TEX9: variants seen among roughly 807,000 people sequenced by gnomAD.
TEX9 encodes the protein testis expressed 9.
Under a neutral mutation model 59.6 loss-of-function variants are expected in TEX9, and 74 were observed. That is an observed-to-expected ratio of 1.24 (90% CI 1.03 to 1.51). The LOEUF is 1.51. Among genes scored for constraint, TEX9 ranks in the 40% most tolerant of loss-of-function variants. The pLI is 0.00. For missense variants in TEX9, 522 were observed against 447.8 expected (o/e 1.17, Z -1.49); for synonymous variants, 186 against 152.2 (o/e 1.22, Z -1.64).
At chr15:56,282,347 C>G (rs2044838142) in intron 1 of TEX9, among the ~76,000 whole-genome samples, 1 of 152,152 alleles carries the variant, frequency 6.6e-6, no homozygotes, top group Admixed American at 6.6e-5. Flanking sequence ...CAGTCACCTT[C>G]TTAACATGGT....
At chr15:56,316,932 C>A (rs2045784494) in intron 1 of TEX9, among the ~76,000 whole-genome samples, 1 of 152,222 alleles carries the variant, frequency 6.6e-6, no homozygotes, top group Non-Finnish European at 1.5e-5. Context: ...GTCCGTCACC[C>A]CTTTCTTTGA....
intron 2 of TEX9, among the ~76,000 whole-genome samples, chr15:56,366,507 T>C (rs1478371327): frequency 6.6e-6 from 1 of 152,216 alleles, no homozygotes; most frequent in Non-Finnish European, 1.5e-5. Context: ...GGCTCCCTTG[T>C]TGGTCTTTTT....
At chr15:56,289,573 C>T (rs765850584) in intron 1 of TEX9, among the ~76,000 whole-genome samples, 7 of 152,156 alleles carry the variant, frequency 4.6e-5, no homozygotes, top group Non-Finnish European at 1.0e-4. Flanking sequence ...GAGGGTTGCT[C>T]AGTTCTTAAG....
intron 1 of TEX9, among the ~76,000 whole-genome samples, chr15:56,306,257 CAAAA>C (rs55882329): frequency 5.5e-4 from 44 of 79,430 alleles, no homozygotes; most frequent in South Asian, 3.4e-3. Flanking sequence ...AGGTACATAG[CAAAA>C]AAAAAAAAAA....
intron 1 of TEX9, among the ~76,000 whole-genome samples, chr15:56,337,060 C>T (rs1402393417): frequency 1.3e-5 from 2 of 152,160 alleles, no homozygotes; most frequent in African/African-American, 2.4e-5. Context: ...ATAGTTATTT[C>T]GCATCTGGAG....
At chr15:56,291,363 C>T (rs1356554518) in intron 1 of TEX9, among the ~76,000 whole-genome samples, 3 of 152,170 alleles carry the variant, frequency 2.0e-5, no homozygotes, top group Admixed American at 1.3e-4. Context: ...CTTGTGGAGA[C>T]CTCTTACTTG....
At chr15:56,308,804 G>T (rs1596078399) in intron 1 of TEX9, among the ~76,000 whole-genome samples, 1 of 152,150 alleles carries the variant, frequency 6.6e-6, no homozygotes, top group African/African-American at 2.4e-5. Context: ...TCATTGAAAT[G>T]ATTACCTTTG....
At chr15:56,446,943 G>T, downstream of TEX9, 1 of 1,602,780 alleles carries the variant, frequency 6.2e-7, no homozygotes, top group Non-Finnish European at 8.5e-7. Context: ...TAAGCTCAAT[G>T]CTGTTTAAAA....
At chr15:56,446,968 T>A, downstream of TEX9, 1 of 1,529,600 alleles carries the variant, frequency 6.5e-7, no homozygotes, top group South Asian at 1.1e-5. Context: ...AAAAACAAAT[T>A]TAAATGTTAG....
chr15:56,441,839 C>G (rs1423763302), intron 12 of TEX9, among the ~76,000 whole-genome samples: 1 of 151,834 alleles, frequency 6.6e-6, no homozygotes, highest in African/African-American at 2.4e-5. Context: ...ACGGTGAAAC[C>G]CCATCTCTAC....
chr15:56,389,294 A>G (rs374231217), intron 5 of TEX9, 24 bp from the exon 6 acceptor site: 4 of 1,580,924 alleles, frequency 2.5e-6, no homozygotes, highest in South Asian at 1.1e-5. Context: ...TAATTAGTCA[A>G]TACTTTCAAT....
At chr15:56,448,918 T>C (rs1281469943), downstream of TEX9, among the ~76,000 whole-genome samples, 2 of 151,980 alleles carry the variant, frequency 1.3e-5, no homozygotes, top group African/African-American at 4.8e-5. Flanking sequence ...CATGCCCGGT[T>C]AATTTTTTGT....
chr15:56,368,585 T>C (rs1479533637), intron 2 of TEX9, among the ~76,000 whole-genome samples: 1 of 152,166 alleles, frequency 6.6e-6, no homozygotes. Context: ...TGCATTTAGC[T>C]TCTTTAATGA....
At chr15:56,436,678 T>G (rs1266653157) in intron 12 of TEX9, among the ~76,000 whole-genome samples, 5 of 152,048 alleles carry the variant, frequency 3.3e-5, no homozygotes, top group Non-Finnish European at 5.9e-5. Context: ...GCTGGTTTTC[T>G]GAGAAGATCA....
chr15:56,318,980 T>C (rs1334055413), intron 1 of TEX9, among the ~76,000 whole-genome samples: 1 of 152,144 alleles, frequency 6.6e-6, no homozygotes, highest in African/African-American at 2.4e-5. Context: ...CCCACATCCA[T>C]ACTGTATTAA....
intron 1 of TEX9, among the ~76,000 whole-genome samples, chr15:56,278,014 T>G (rs2044717591): frequency 6.6e-6 from 1 of 152,128 alleles, no homozygotes; most frequent in Non-Finnish European, 1.5e-5. Context: ...CCACGAAGCT[T>G]CTTTAGTCGT....
chr15:56,452,371 A>G, the TEX9 span, among the ~76,000 whole-genome samples: 2 of 152,210 alleles, frequency 1.3e-5, no homozygotes, highest in African/African-American at 4.8e-5. Context: ...TGCCTGGCAG[A>G]CAACATTAGA....
chr15:56,249,119 A>G (rs2043942132), intron 1 of TEX9: 1 of 152,236 alleles, frequency 6.6e-6, no homozygotes, highest in Non-Finnish European at 1.5e-5. Context: ...AAAAACACAA[A>G]AAACAAACAA....
intron 9 of TEX9, chr15:56,395,098 TC>T: frequency 2.2e-6 from 1 of 455,764 alleles, no homozygotes; most frequent in Non-Finnish European, 3.8e-6. Flanking sequence ...AAAAGATACT[TC>T]ATACCCTTTA....
Sources: gnomAD v4.1 joint callset for allele counts (sites outside exome capture counted in the v4.1 genomes callset) on GRCh38, gnomAD v4.1.1 for gene constraint, MANE v1.5 for transcripts, NCBI Gene and HGNC (gene_info 2026-07-23, HGNC 2026-07-21) for gene names.